ATRNL1: variants seen among roughly 807,000 people sequenced by gnomAD.
ATRNL1 encodes the protein attractin-like protein 1.
In ATRNL1, 95 loss-of-function variants were observed where a neutral mutation model predicts 182.7. The observed-to-expected ratio is 0.52, with a 90% confidence interval of 0.44 to 0.62. The LOEUF (loss-of-function observed/expected upper bound fraction) is 0.62. Ranked by LOEUF, ATRNL1 falls within the 20% of genes least tolerant of loss-of-function variation. The probability of loss-of-function intolerance (pLI) is 0.00; values close to 1 mark genes in which losing one functional copy is unlikely to be tolerated. For missense variants in ATRNL1, 1,471 were observed against 1,679.5 expected (o/e 0.88, Z 2.17); for synonymous variants, 576 against 568.3 (o/e 1.01, Z -0.19).
chr10:115,271,788 G>A (rs1437951771), intron 13 of ATRNL1, among the ~76,000 whole-genome samples: 3 of 152,098 alleles, frequency 2.0e-5, no homozygotes, highest in African/African-American at 7.2e-5. Flanking sequence ...GCTTGAATTG[G>A]ATTGTTGTAG....
chr10:115,618,199 A>G (rs1409283979), intron 26 of ATRNL1, among the ~76,000 whole-genome samples: 6 of 152,146 alleles, frequency 3.9e-5, no homozygotes, highest in African/African-American at 2.4e-5. Context: ...TTAGAGCGAT[A>G]TGATAATGGA....
intron 20 of ATRNL1, among the ~76,000 whole-genome samples, chr10:115,409,081 T>G (rs1845005051): frequency 6.6e-6 from 1 of 152,176 alleles, no homozygotes; most frequent in Non-Finnish European, 1.5e-5. Context: ...ACAAATTTTA[T>G]TTTATTACTT....
intron 27 of ATRNL1, among the ~76,000 whole-genome samples, chr10:115,771,089 A>G (rs1948977329): frequency 6.6e-6 from 1 of 152,148 alleles, no homozygotes; most frequent in Admixed American, 6.6e-5. Context: ...ATTTGCTACC[A>G]TTTATCAAAT....
Position 115,353,465 on chromosome 10 carries a change from A to G in ATRNL1, c.3175+19046A>G, listed in dbSNP as rs923696078. ...TTTAGTGTATGTTGTTTTTATAGCT[A>G]AAGTAAATTTCTTATGGGCAGCATA... On this transcript the variant is annotated intron_variant, in intron 19 of 28. Coordinates refer to ENST00000355044, the MANE Select transcript of ATRNL1 (RefSeq NM_207303.4). Among the ~76,000 whole-genome samples the G allele has an allele frequency of 5.9e-5, 9 of 152,220 alleles. No homozygotes were observed. The South Asian group carries it at 8.3e-4, about 14-fold the overall frequency.
At chr10:115,777,299 T>C (rs1736444380) in intron 27 of ATRNL1, among the ~76,000 whole-genome samples, 1 of 152,216 alleles carries the variant, frequency 6.6e-6, no homozygotes, top group Non-Finnish European at 1.5e-5. Context: ...ACTAGTTTTA[T>C]ATTTACTAGT....
Position 115,728,298 on chromosome 10 carries a change from CAAAAAAAAAAA to C in ATRNL1, c.3903+958_3903+968del, listed in dbSNP as rs58437496. Among the ~76,000 whole-genome samples, 259 of 58,812 alleles carry C rather than the reference CAAAAAAAAAAA, an allele frequency of 4.4e-3. 2 individuals carry two copies. Among genetic ancestry groups the C allele is most frequent in the African/African-American group, 0.017 (241 of 14,046 alleles). The allele number at this position is 58,812 out of a possible 152,430, so 38.6% of individuals were successfully genotyped here. A position where few individuals can be genotyped will look rare whatever the true frequency, so the allele number is the denominator to read the frequency against. On this transcript the variant is annotated intron_variant, in intron 27 of 28. Coordinates refer to ENST00000355044, the MANE Select transcript of ATRNL1 (RefSeq NM_207303.4). Reference sequence around the variant, plus strand: ...CGACAGACAGAGTGGGACTCCGCCTCAAAAAAAAAAAAAAAAAAAAAAAAAGGATGCAAAAT... The same window carrying C: ...CGACAGACAGAGTGGGACTCCGCCTCAAAAAAAAAAAAAAGGATGCAAAAT...
chr10:115,701,296 G>T (rs542117279), intron 26 of ATRNL1, among the ~76,000 whole-genome samples: 2 of 152,068 alleles, frequency 1.3e-5, no homozygotes, highest in South Asian at 4.1e-4. Context: ...TTTCTGGGAT[G>T]CAGCAAAAGC....
intron 19 of ATRNL1, among the ~76,000 whole-genome samples, chr10:115,365,035 A>G (rs550834257): frequency 6.7e-6 from 1 of 149,886 alleles, no homozygotes; most frequent in South Asian, 2.1e-4. Flanking sequence ...CTGGCCTCAT[A>G]AAATGAGTTA....
chr10:115,897,531 G>T (rs1275123902), intron 28 of ATRNL1, among the ~76,000 whole-genome samples: 1 of 152,194 alleles, frequency 6.6e-6, no homozygotes, highest in African/African-American at 2.4e-5. Context: ...TAAATGCTTA[G>T]AGGGATCATG....
At chr10:115,573,978 GA>G (rs1854557317) in intron 26 of ATRNL1, among the ~76,000 whole-genome samples, 1 of 152,142 alleles carries the variant, frequency 6.6e-6, no homozygotes, top group South Asian at 2.1e-4. Flanking sequence ...GATTGTAGGA[GA>G]ACCTGTGACA....
At chr10:115,732,275 T>A (rs1947821582) in intron 27 of ATRNL1, among the ~76,000 whole-genome samples, 1 of 152,186 alleles carries the variant, frequency 6.6e-6, no homozygotes, top group Non-Finnish European at 1.5e-5. Flanking sequence ...TTGTTGAAAA[T>A]CAATTTACCA....
chr10:115,928,619 G>T (rs185130590), intron 28 of ATRNL1, among the ~76,000 whole-genome samples: 12 of 151,946 alleles, frequency 7.9e-5, no homozygotes, highest in Admixed American at 3.9e-4. Flanking sequence ...TCAAACCAAG[G>T]GTCCCAGGTT....
chr10:115,115,183 T>C (rs1279648556), intron 1 of ATRNL1, among the ~76,000 whole-genome samples: 4 of 151,952 alleles, frequency 2.6e-5, no homozygotes, highest in African/African-American at 9.6e-5. Context: ...AAAATTTGAA[T>C]CAATTGAAGT....
At chr10:115,913,824 G>T (rs1249397510) in intron 28 of ATRNL1, among the ~76,000 whole-genome samples, 1 of 152,184 alleles carries the variant, frequency 6.6e-6, no homozygotes, top group Admixed American at 6.5e-5. Context: ...AACTGTGACT[G>T]GGGACATCTC....
Position 115,389,601 on chromosome 10 carries a change from TG to T in ATRNL1, c.3176-5057del, listed in dbSNP as rs1554953898. ...ATATATATATATATATTTCATCCAA[TG>T]ATGGACACCTAGGTTGCATCTATAT... On this transcript the variant is annotated intron_variant, in intron 19 of 28. Coordinates refer to ENST00000355044, the MANE Select transcript of ATRNL1 (RefSeq NM_207303.4). Among the ~76,000 whole-genome samples the T allele has an allele frequency of 1.1e-3, 127 of 118,190 alleles. 10 individuals carry two copies. Among genetic ancestry groups the T allele is most frequent in the African/African-American group, 4.2e-3 (121 of 28,676 alleles). 77.5% of individuals were successfully genotyped at this position (118,190 alleles called of 152,430 possible).
intron 27 of ATRNL1, among the ~76,000 whole-genome samples, chr10:115,805,720 G>A (rs1232719524): frequency 6.6e-6 from 1 of 152,090 alleles, no homozygotes; most frequent in African/African-American, 2.4e-5. Context: ...AGTACAGGTA[G>A]GCAGCCTGTG....
chr10:115,906,355 T>C (rs1271905737), intron 28 of ATRNL1, among the ~76,000 whole-genome samples: 1 of 152,140 alleles, frequency 6.6e-6, no homozygotes, highest in Non-Finnish European at 1.5e-5. Context: ...TAACATATTT[T>C]AGACTCAGGT....
At chr10:115,211,950 G>C (rs893496526) in intron 8 of ATRNL1, among the ~76,000 whole-genome samples, 3 of 151,526 alleles carry the variant, frequency 2.0e-5, no homozygotes. Context: ...CTGAGACTCT[G>C]TTCACTGTTT....
intron 2 of ATRNL1, 111 bp downstream of exon 2, chr10:115,120,379 T>C (rs1844674091): frequency 1.9e-6 from 1 of 539,818 alleles, no homozygotes; most frequent in South Asian, 3.7e-5. Context: ...AGTTTGTTTA[T>C]TATTAGATAA....
Sources: allele counts gnomAD v4.1 joint callset (sites outside exome capture counted in the v4.1 genomes callset), GRCh38; gene constraint gnomAD v4.1.1; transcripts MANE v1.5; gene names NCBI Gene and HGNC (gene_info 2026-07-23, HGNC 2026-07-21).